Variants in PRKCE observed in about 807,000 individuals in gnomAD.
PRKCE encodes protein kinase C epsilon, also known as protein kinase C epsilon type.
A neutral mutation model predicts 85.4 loss-of-function variants in PRKCE; 16 were observed. The observed-to-expected ratio is 0.19, with a 90% confidence interval of 0.13 to 0.28. The LOEUF (loss-of-function observed/expected upper bound fraction) is 0.28. Ranked by LOEUF, PRKCE falls within the 10% of genes least tolerant of loss-of-function variation. The pLI is 1.00. For synonymous variants in PRKCE, 388 were observed against 371.5 expected (o/e 1.04, Z -0.51); for missense variants, 573 against 975.2 (o/e 0.59, Z 5.49).
chr2:45,915,957 C>G (rs866871730), intron 2 of PRKCE, among the ~76,000 whole-genome samples: 1 of 152,140 alleles, frequency 6.6e-6, no homozygotes, highest in East Asian at 1.9e-4. Flanking sequence ...ATCTACATCC[C>G]CTCAACACAG....
intron 10 of PRKCE, among the ~76,000 whole-genome samples, chr2:46,053,957 G>A (rs896215514): frequency 6.6e-6 from 1 of 152,166 alleles, no homozygotes; most frequent in Non-Finnish European, 1.5e-5. Flanking sequence ...TTCCACCGCA[G>A]CTGTACCATT....
chr2:45,733,900 T>G (rs1467378819), intron 1 of PRKCE, among the ~76,000 whole-genome samples: 10 of 152,208 alleles, frequency 6.6e-5, no homozygotes. Flanking sequence ...GCTTTGAGCC[T>G]GTGCACATGG....
In PRKCE at chr2:46,139,700, G is replaced by GTA. The variant is rs764809056; in HGVS notation, c.1593-5384_1593-5383dup. Among the ~76,000 whole-genome samples the GTA allele has an allele frequency of 4.0e-5, 6 of 151,044 alleles. No individual in the cohort carries two copies. The highest frequency in any genetic ancestry group is 3.9e-4 in the East Asian group (2 of 5,156). Reference sequence around the variant, plus strand: ...TATATATGCGTATATATATGTGTGTGTATATATATACATATATACATATAC... The same window carrying GTA: ...TATATATGCGTATATATATGTGTGTGTATATATATATACATATATACATATAC... On this transcript the variant is annotated intron_variant, in intron 11 of 14. Transcript: ENST00000306156. The surrounding 1 kb of genome is among the most constrained non-coding windows in gnomAD (Gnocchi z 5.2).
At chr2:46,021,687 G>T (rs912717293) in intron 10 of PRKCE, among the ~76,000 whole-genome samples, 3 of 152,202 alleles carry the variant, frequency 2.0e-5, no homozygotes, top group Non-Finnish European at 4.4e-5. Flanking sequence ...TCCAATTTAA[G>T]TAAAAAGTTT....
chr2:46,034,847 C>A (rs192004880), intron 10 of PRKCE, among the ~76,000 whole-genome samples: 2 of 152,376 alleles, frequency 1.3e-5, no homozygotes, highest in Admixed American at 1.3e-4. Context: ...TAGCCAGATT[C>A]ATTACTGATG....
At chr2:45,712,667 C>G (rs1679765565) in intron 1 of PRKCE, among the ~76,000 whole-genome samples, 1 of 152,140 alleles carries the variant, frequency 6.6e-6, no homozygotes, top group Admixed American at 6.5e-5. Context: ...CAGGCCATTC[C>G]CTTTGCCTGG....
intron 2 of PRKCE, among the ~76,000 whole-genome samples, chr2:45,945,068 G>T (rs1305040099): frequency 6.6e-6 from 1 of 151,990 alleles, no homozygotes; most frequent in African/African-American, 2.4e-5. Flanking sequence ...CTCGCATTAG[G>T]CAGGGAAACG....
chr2:45,802,083 TAA>T (rs36010894), intron 1 of PRKCE, among the ~76,000 whole-genome samples: 2,303 of 121,830 alleles, frequency 0.019, 59 homozygotes, highest in African/African-American at 0.064. Context: ...GACCCTATCT[TAA>T]AAAAAAAAAA....
At chr2:45,674,246 C>T (rs1676314682) in intron 1 of PRKCE, among the ~76,000 whole-genome samples, 1 of 152,174 alleles carries the variant, frequency 6.6e-6, no homozygotes, top group South Asian at 2.1e-4. Flanking sequence ...TTCCTCACTT[C>T]CTCTTGGCTG....
rs1677512864 is a variant in PRKCE, at chr2:46,159,215, C to T, written c.1921-391C>T. Among the ~76,000 whole-genome samples the T allele has an allele frequency of 6.6e-6, 1 of 152,142 alleles. No homozygotes were observed. The highest frequency in any genetic ancestry group is 2.4e-5 in the African/African-American group (1 of 41,428). On this transcript the variant is annotated intron_variant, in intron 13 of 14. Transcript: ENST00000306156. This position sits in a 1 kb window ranked among gnomAD's most constrained non-coding sequence, Gnocchi z 4.1. ...GACCTCAGTCTCCCTGATGAGAAGA[C>T]CTGAGAATCTGAGGGGGATCACAGA...
intron 10 of PRKCE, among the ~76,000 whole-genome samples, chr2:46,047,656 C>T (rs1708607913): frequency 6.6e-6 from 1 of 152,218 alleles, no homozygotes; most frequent in Admixed American, 6.5e-5. Flanking sequence ...ACACTCTGGA[C>T]AATGTCATTT....
At chr2:46,125,703 C>A (rs1449164892) in intron 11 of PRKCE, among the ~76,000 whole-genome samples, 1 of 152,154 alleles carries the variant, frequency 6.6e-6, no homozygotes, top group African/African-American at 2.4e-5. Flanking sequence ...CATAAATATA[C>A]CTTCACAGTA....
intron 2 of PRKCE, among the ~76,000 whole-genome samples, chr2:45,868,987 A>G (rs1180870506): frequency 6.6e-6 from 1 of 151,676 alleles, no homozygotes; most frequent in Non-Finnish European, 1.5e-5. Context: ...AAAAGAAAGA[A>G]AACGTAAATA....
intron 2 of PRKCE, among the ~76,000 whole-genome samples, chr2:45,860,790 C>T (rs193131366): frequency 1.3e-5 from 2 of 152,230 alleles, no homozygotes; most frequent in African/African-American, 4.8e-5. Context: ...AACAGGCATC[C>T]CTTTGTAGAT....
intron 2 of PRKCE, among the ~76,000 whole-genome samples, chr2:45,975,725 A>G (rs751236): frequency 0.38 from 57,636 of 151,964 alleles, 11,064 homozygotes; most frequent in Middle Eastern, 0.52. Flanking sequence ...TCAGAACTGG[A>G]GGGAAGGAAG....
At chr2:45,722,303 G>A (rs1006561201) in intron 1 of PRKCE, among the ~76,000 whole-genome samples, 4 of 152,104 alleles carry the variant, frequency 2.6e-5, no homozygotes, top group African/African-American at 4.8e-5. Flanking sequence ...CTTCATAGGA[G>A]TCAGCTGGAT....
chr2:46,012,362 A>G (rs972153494), intron 10 of PRKCE, among the ~76,000 whole-genome samples: 4 of 151,588 alleles, frequency 2.6e-5, no homozygotes, highest in African/African-American at 9.7e-5. Context: ...GTTTCAGAGA[A>G]GTAAAACTAT....
intron 10 of PRKCE, among the ~76,000 whole-genome samples, chr2:46,031,632 G>GTGTGTGTGTGTT (rs1374517995): frequency 1.5e-5 from 2 of 129,914 alleles, no homozygotes; most frequent in Admixed American, 7.8e-5. Flanking sequence ...GTGTGTGTGT[G>GTGTGTGTGTGTT]TGTAGAAAAA....
chr2:45,783,684 G>C (rs1051640403), intron 1 of PRKCE, among the ~76,000 whole-genome samples: 17 of 152,150 alleles, frequency 1.1e-4, no homozygotes, highest in African/African-American at 4.1e-4. Flanking sequence ...GTTTTTCTTG[G>C]TCTGCAGATG....
Sources: allele counts gnomAD v4.1 joint callset (sites outside exome capture counted in the v4.1 genomes callset), GRCh38; gene constraint gnomAD v4.1.1; non-coding constraint Gnocchi (gnomAD v3.1); transcripts MANE v1.5; gene names NCBI Gene and HGNC (gene_info 2026-07-23, HGNC 2026-07-21).